Variants in SDK1 observed in about 807,000 individuals in gnomAD.
The protein encoded by SDK1 is sidekick cell adhesion molecule 1.
A neutral mutation model predicts 245.5 loss-of-function variants in SDK1; 157 were observed. The observed-to-expected ratio is 0.64, with a 90% CI of 0.56 to 0.73. SDK1 has a LOEUF of 0.73. Ranked by LOEUF, SDK1 falls within the 30% of genes least tolerant of loss-of-function variation. The pLI, the probability that SDK1 is intolerant of heterozygous loss-of-function variation, is 0.00. For missense variants in SDK1, 3,583 were observed against 3,002.3 expected (o/e 1.19, Z -4.52); for synonymous variants, 1,647 against 1,278.5 (o/e 1.29, Z -6.15).
chr7:3,984,823 G>T (rs1270337852), intron 13 of SDK1, among the ~76,000 whole-genome samples: 1 of 152,136 alleles, frequency 6.6e-6, no homozygotes, highest in Non-Finnish European at 1.5e-5. Flanking sequence ...CTGCCCTTGG[G>T]GTCCCAGAAC....
chr7:4,113,200 C>T, intron 23 of SDK1, 89 bp from the exon 24 acceptor site: 1 of 1,412,854 alleles, frequency 7.1e-7, no homozygotes, highest in Non-Finnish European at 9.7e-7. Flanking sequence ...TGAGCCCTCC[C>T]TTGAGAAACA....
At chr7:3,559,340 T>C (rs554868614) in intron 1 of SDK1, among the ~76,000 whole-genome samples, 1 of 152,298 alleles carries the variant, frequency 6.6e-6, no homozygotes, top group East Asian at 1.9e-4. Context: ...GGAAGTATTG[T>C]CCGCGGTTAT....
At chr7:3,670,863 T>G (rs961168622) in intron 4 of SDK1, among the ~76,000 whole-genome samples, 2 of 152,220 alleles carry the variant, frequency 1.3e-5, no homozygotes, top group African/African-American at 2.4e-5. Context: ...TGAAATAAAT[T>G]AGATGATCAC....
intron 16 of SDK1, among the ~76,000 whole-genome samples, chr7:4,013,809 C>A (rs1345655273): frequency 2.0e-5 from 3 of 152,190 alleles, no homozygotes; most frequent in Non-Finnish European, 2.9e-5. Context: ...ATAGCAAGGC[C>A]CCTTTTGTCT....
At chr7:3,614,037 C>G (rs1250915335) in intron 1 of SDK1, among the ~76,000 whole-genome samples, 2 of 152,124 alleles carry the variant, frequency 1.3e-5, no homozygotes, top group African/African-American at 2.4e-5. Flanking sequence ...GGCTTAATAC[C>G]TGGGTGATGA....
At chr7:3,529,447 C>A (rs1783267715) in intron 1 of SDK1, among the ~76,000 whole-genome samples, 1 of 152,096 alleles carries the variant, frequency 6.6e-6, no homozygotes. Context: ...GTTACAGGTC[C>A]CAGCTTGAAG....
At position 3,853,405 on chromosome 7, in the gene SDK1, TTG is replaced by T. The variant is rs768552414; in HGVS notation, c.847+31836_847+31837del. ...CAATCTGGCCTGTGTTTTAAAATTA[TTG>T]TGTGTGTGTGTGTATGTGTTTAATC... On this transcript the variant is annotated intron_variant, in intron 5 of 44. Coordinates refer to ENST00000404826, the MANE Select transcript of SDK1 (RefSeq NM_152744.4). Among the ~76,000 whole-genome samples, 1,398 of 151,780 alleles carry T rather than the reference TTG, an allele frequency of 9.2e-3. 23 individuals carry two copies. Among genetic ancestry groups the T allele is most frequent in the African/African-American group, 0.032 (1,329 of 41,422 alleles).
intron 13 of SDK1, among the ~76,000 whole-genome samples, chr7:3,985,832 A>C (rs1003808713): frequency 3.3e-5 from 5 of 152,252 alleles, no homozygotes; most frequent in Admixed American, 6.5e-5. Context: ...TGAAAGCTCA[A>C]AACAGCTTAA....
At chr7:3,683,912 G>A (rs962232627) in intron 4 of SDK1, among the ~76,000 whole-genome samples, 1 of 152,212 alleles carries the variant, frequency 6.6e-6, no homozygotes, top group African/African-American at 2.4e-5. Flanking sequence ...AACAAAAAAT[G>A]TGTTGGCCAC....
chr7:4,219,977 C>G, intron 38 of SDK1, 132 bp from the exon 39 acceptor site: 2 of 1,089,532 alleles, frequency 1.8e-6, no homozygotes, highest in Admixed American at 2.8e-5. Context: ...ACCATATAAA[C>G]TCCTAATAGT....
intron 4 of SDK1, among the ~76,000 whole-genome samples, chr7:3,696,910 TA>T (rs549227528): frequency 2.8e-3 from 403 of 146,500 alleles, no homozygotes; most frequent in African/African-American, 7.3e-3. Flanking sequence ...GAAGTTCCTT[TA>T]AAAAAAAAAA....
intron 22 of SDK1, among the ~76,000 whole-genome samples, chr7:4,089,995 C>T (rs1004956967): frequency 1.3e-5 from 2 of 152,128 alleles, no homozygotes; most frequent in African/African-American, 2.4e-5. Context: ...CCCTGATTCC[C>T]CTCAATTTGG....
At chr7:3,435,435 ATTATCCTGCCT>A (rs1779994695) in intron 1 of SDK1, among the ~76,000 whole-genome samples, 1 of 146,778 alleles carries the variant, frequency 6.8e-6, no homozygotes, top group Non-Finnish European at 1.5e-5. Context: ...GGTTCAAGCA[ATTATCCTGCCT>A]CAGGCTCCTG....
At chr7:3,546,211 T>C (rs1037914930) in intron 1 of SDK1, among the ~76,000 whole-genome samples, 1 of 152,130 alleles carries the variant, frequency 6.6e-6, no homozygotes, top group Non-Finnish European at 1.5e-5. Flanking sequence ...CTGAGGATGA[T>C]GACACCGCGG....
chr7:3,550,512 G>T (rs771822775), intron 1 of SDK1, among the ~76,000 whole-genome samples: 5 of 152,154 alleles, frequency 3.3e-5, no homozygotes, highest in Non-Finnish European at 5.9e-5. Flanking sequence ...GCTCATTGCT[G>T]CTCCTGTGCT....
chr7:4,139,631 GTATATATGTGTGTGTATA>G (rs1779401961), intron 28 of SDK1, among the ~76,000 whole-genome samples: 1 of 44,430 alleles, frequency 2.3e-5, no homozygotes, highest in African/African-American at 7.6e-5. Context: ...GTGTGTATAT[GTATATATGTGTGTGTATA>G]TGTGTGTGTG....
At chr7:3,884,508 G>A (rs1380706087) in intron 5 of SDK1, among the ~76,000 whole-genome samples, 1 of 152,182 alleles carries the variant, frequency 6.6e-6, no homozygotes, top group African/African-American at 2.4e-5. Context: ...AGTTAGCGCC[G>A]TTTCTCAGAT....
In SDK1 at chr7:4,268,931, A is replaced by G; in HGVS notation, c.*3547A>G. 3.0e-6 allele frequency: 1 copy of G among 334,466 alleles called. No homozygotes were observed. The highest frequency in any genetic ancestry group is 2.5e-5 in the South Asian group (1 of 40,780). 20.7% of individuals were successfully genotyped at this position (334,466 alleles called of 1,614,324 possible). The stretch of plus-strand genomic sequence containing the variant: ...AGATCTCATTAAAAGAAAAAAAGAA[A>G]CAACTTGTAGGAAGACAGAGAGGTG... On this transcript the variant is annotated 3_prime_UTR_variant, in exon 45 of 45. Transcript: ENST00000404826.
intron 22 of SDK1, among the ~76,000 whole-genome samples, chr7:4,093,458 C>CAAAAAAAAAAAAAAA (rs71032922): frequency 3.9e-5 from 3 of 77,758 alleles, no homozygotes; most frequent in Non-Finnish European, 5.7e-5. Flanking sequence ...AAATGGAAAG[C>CAAAAAAAAAAAAAAA]AAAAAAAAAA....
Sources: allele counts gnomAD v4.1 joint callset (sites outside exome capture counted in the v4.1 genomes callset), GRCh38; gene constraint gnomAD v4.1.1; transcripts MANE v1.5; gene names NCBI Gene and HGNC (gene_info 2026-07-23, HGNC 2026-07-21).